SLC25A26: variants seen among roughly 807,000 people sequenced by gnomAD.
The protein encoded by SLC25A26 is mitochondrial S-adenosylmethionine carrier protein.
SLC25A26 carries 36 observed loss-of-function variants against 37.8 expected under a neutral mutation model. The ratio of observed to expected loss-of-function variants is 0.95; its 90% CI spans 0.73 to 1.26. SLC25A26 has a LOEUF of 1.26. Ranked by LOEUF, SLC25A26 falls within the 50% of genes most tolerant of loss-of-function variation. The probability of loss-of-function intolerance (pLI) is 0.00; values close to 1 mark genes in which losing one functional copy is unlikely to be tolerated. For missense variants in SLC25A26, 390 were observed against 331.1 expected, an observed-to-expected ratio of 1.18 and a Z score of -1.38; for synonymous variants, 129 against 122.5, an observed-to-expected ratio of 1.05 and a Z score of -0.35.
intron 5 of SLC25A26, among the ~76,000 whole-genome samples, chr3:66,295,593 G>T (rs1189217100): frequency 1.3e-5 from 2 of 151,736 alleles, no homozygotes; most frequent in African/African-American, 4.8e-5. Flanking sequence ...AGTAGAGACG[G>T]GGTTTCACCA....
chr3:66,342,499 T>G lies in SLC25A26; in HGVS notation c.454-3865T>G, dbSNP rs551660746. ...CTTAGAAATAATATCTTCATATCTC[T>G]TCAGTTGTATTCTAAATCACTTTGC... On this transcript the variant is annotated intron_variant, in intron 5 of 9. Transcript: ENST00000354883. Among the ~76,000 whole-genome samples the G allele has an allele frequency of 3.9e-5, 6 of 152,336 alleles. No homozygotes were observed. The South Asian group carries it at 1.0e-3, about 26-fold the overall frequency.
intron 2 of SLC25A26, among the ~76,000 whole-genome samples, chr3:66,237,489 T>G (rs1487038563): frequency 3.9e-5 from 6 of 152,228 alleles, no homozygotes. Flanking sequence ...AGAGAGCAGG[T>G]GAACCTAAGA....
intron 5 of SLC25A26, among the ~76,000 whole-genome samples, chr3:66,313,379 C>T (rs1381549721): frequency 1.3e-5 from 2 of 152,124 alleles, no homozygotes; most frequent in East Asian, 3.9e-4. Flanking sequence ...AATAGGGAAT[C>T]CTTTCCCCAT....
intron 5 of SLC25A26, among the ~76,000 whole-genome samples, chr3:66,297,410 T>A (rs2074940092): frequency 6.6e-6 from 1 of 152,178 alleles, no homozygotes; most frequent in African/African-American, 2.4e-5. Flanking sequence ...CATTTTTTCT[T>A]TTTGATCATT....
intron 1 of SLC25A26, among the ~76,000 whole-genome samples, chr3:66,209,853 T>C (rs1188899318): frequency 1.6e-5 from 2 of 121,660 alleles, no homozygotes; most frequent in Admixed American, 1.7e-4. Flanking sequence ...GAGAGAGGTG[T>C]GTATACACAC....
In SLC25A26 at chr3:66,369,375, G is replaced by T. The variant is rs568556890; in HGVS notation, c.569-103G>T. 6.9e-5 allele frequency: 44 copies of T among 639,644 alleles called. No individual in the cohort carries two copies. In the African/African-American group the frequency reaches 7.6e-4, roughly 11 times the overall value. The allele number at this position is 639,644 out of a possible 1,614,324, so 39.6% of individuals were successfully genotyped here. A position where few individuals can be genotyped will look rare whatever the true frequency, so the allele number is the denominator to read the frequency against. On this transcript the variant is annotated intron_variant, in intron 7 of 9. Coordinates refer to ENST00000354883, the MANE Select transcript of SLC25A26 (RefSeq NM_001379210.1). ...CATCCTGTTCTTCAATCAGCCAGGT[G>T]TACATAATGACGAAGTGATTTGGGC...
intron 1 of SLC25A26, among the ~76,000 whole-genome samples, chr3:66,167,334 G>T (rs561236686): frequency 5.5e-4 from 83 of 152,260 alleles, no homozygotes; most frequent in Non-Finnish European, 3.4e-4. Flanking sequence ...GAAATAATCT[G>T]CAACAGGAGA....
intron 6 of SLC25A26, among the ~76,000 whole-genome samples, chr3:66,347,507 C>T (rs548965970): frequency 3.9e-5 from 6 of 152,258 alleles, no homozygotes; most frequent in African/African-American, 9.6e-5. Flanking sequence ...GAAAAAGGAA[C>T]GCTTTTACAC....
intron 5 of SLC25A26, among the ~76,000 whole-genome samples, chr3:66,290,077 G>A (rs115165021): frequency 0.011 from 1,741 of 152,184 alleles, 13 homozygotes; most frequent in Non-Finnish European, 0.019. Context: ...TTCCTTTATA[G>A]CAATTGTGAA....
chr3:66,357,705 G>T (rs766803642), intron 6 of SLC25A26, among the ~76,000 whole-genome samples: 6 of 151,346 alleles, frequency 4.0e-5, no homozygotes, highest in Non-Finnish European at 8.8e-5. Flanking sequence ...AAAATTTTCG[G>T]CAGATTCTTA....
At chr3:66,326,511 A>G (rs756253544) in intron 5 of SLC25A26, among the ~76,000 whole-genome samples, 3 of 152,224 alleles carry the variant, frequency 2.0e-5, no homozygotes, top group Non-Finnish European at 4.4e-5. Context: ...AATTGCAGCC[A>G]GGGCAGGGAT....
intron 2 of SLC25A26, among the ~76,000 whole-genome samples, chr3:66,239,164 G>A (rs1351336440): frequency 6.6e-6 from 1 of 152,086 alleles, no homozygotes; most frequent in Non-Finnish European, 1.5e-5. Flanking sequence ...TGGTTTGGAA[G>A]CACTCATCTC....
At chr3:66,240,894 C>T (rs914945921) in intron 2 of SLC25A26, among the ~76,000 whole-genome samples, 4 of 151,676 alleles carry the variant, frequency 2.6e-5, no homozygotes, top group Non-Finnish European at 5.9e-5. Context: ...TACAGGCACC[C>T]GCCACCACAC....
intron 1 of SLC25A26, among the ~76,000 whole-genome samples, chr3:66,205,067 A>T (rs1284667694): frequency 2.6e-5 from 4 of 152,194 alleles, no homozygotes; most frequent in African/African-American, 9.7e-5. Context: ...GGTTTTCCTG[A>T]TACTGAAAGA....
At chr3:66,373,045 G>A (rs1162226504) in intron 9 of SLC25A26, among the ~76,000 whole-genome samples, 1 of 152,166 alleles carries the variant, frequency 6.6e-6, no homozygotes, top group African/African-American at 2.4e-5. Flanking sequence ...CATATAAACA[G>A]AAATATATTA....
intron 1 of SLC25A26, among the ~76,000 whole-genome samples, chr3:66,139,942 C>G (rs1173601099): frequency 6.6e-6 from 1 of 152,144 alleles, no homozygotes; most frequent in African/African-American, 2.4e-5. Context: ...TGCTATTGAT[C>G]CTTCTCAAGG....
chr3:66,370,968 C>G (rs1294455025), intron 9 of SLC25A26, among the ~76,000 whole-genome samples: 1 of 152,158 alleles, frequency 6.6e-6, no homozygotes, highest in East Asian at 1.9e-4. Flanking sequence ...GGTTTTGATG[C>G]TTTTAACTAT....
At chr3:66,225,247 C>T (rs2071687751) in intron 1 of SLC25A26, among the ~76,000 whole-genome samples, 1 of 152,198 alleles carries the variant, frequency 6.6e-6, no homozygotes, top group African/African-American at 2.4e-5. Context: ...GCCTGGACAT[C>T]CCGACGTTTC....
chr3:66,318,747 G>A (rs1315021974), intron 5 of SLC25A26, among the ~76,000 whole-genome samples: 4 of 151,576 alleles, frequency 2.6e-5, no homozygotes, highest in Non-Finnish European at 2.9e-5. Flanking sequence ...CTACAGCCTC[G>A]AAATCCTGGT....
Sources: gnomAD v4.1 joint callset for allele counts (sites outside exome capture counted in the v4.1 genomes callset) on GRCh38, gnomAD v4.1.1 for gene constraint, MANE v1.5 for transcripts, NCBI Gene and HGNC (gene_info 2026-07-23, HGNC 2026-07-21) for gene names.